The following ARHGAP20 variants were observed in gnomAD, a reference collection of about 807,000 sequenced individuals.
ARHGAP20 encodes the protein Rho GTPase activating protein 20.
A neutral mutation model predicts 73.7 loss-of-function variants in ARHGAP20; 34 were observed. The ratio of observed to expected loss-of-function variants is 0.46; its 90% CI spans 0.35 to 0.61. The LOEUF is 0.61. Among genes scored for constraint, ARHGAP20 ranks in the 20% least tolerant of loss-of-function variants. The pLI is 0.00. For missense variants in ARHGAP20, 1,314 were observed against 1,420.9 expected (o/e 0.92, Z 1.21); for synonymous variants, 523 against 518.2 (o/e 1.01, Z -0.13).
intron 12 of ARHGAP20, among the ~76,000 whole-genome samples, chr11:110,585,377 A>G (rs1947635073): frequency 6.6e-6 from 1 of 151,856 alleles, no homozygotes; most frequent in Non-Finnish European, 1.5e-5. Context: ...CCAAACTATA[A>G]TGGAAGTGGA....
intron 4 of ARHGAP20, among the ~76,000 whole-genome samples, chr11:110,623,508 T>C (rs1948672541): frequency 6.6e-6 from 1 of 152,234 alleles, no homozygotes; most frequent in Admixed American, 6.5e-5. Flanking sequence ...TCTGACTCCT[T>C]AAAATCATAC....
At chr11:110,661,998 C>T (rs1341715432) in intron 2 of ARHGAP20, among the ~76,000 whole-genome samples, 4 of 151,742 alleles carry the variant, frequency 2.6e-5, no homozygotes, top group African/African-American at 4.8e-5. Context: ...CCATGGCATA[C>T]GTAAGCAATG....
chr11:110,584,210 C>T (rs1947555202), intron 12 of ARHGAP20, among the ~76,000 whole-genome samples: 1 of 152,180 alleles, frequency 6.6e-6, no homozygotes, highest in Admixed American at 6.5e-5. Flanking sequence ...CGTCCAGGTC[C>T]ATTTTGAGAG....
At chr11:110,646,012 G>T (rs113157751) in intron 2 of ARHGAP20, among the ~76,000 whole-genome samples, 2 of 152,052 alleles carry the variant, frequency 1.3e-5, no homozygotes, top group African/African-American at 2.4e-5. Flanking sequence ...ACTACCTATT[G>T]GGTACTATGC....
Position 110,712,400 on chromosome 11 carries a change from T to A in ARHGAP20, c.-169A>T. 1 of 375,062 alleles carries A rather than the reference T, an allele frequency of 2.7e-6. No individual in the cohort carries two copies. Among genetic ancestry groups the A allele is most frequent in the Non-Finnish European group, 4.5e-6 (1 of 220,872 alleles). The allele number at this position is 375,062 out of a possible 1,614,324, so 23.2% of individuals were successfully genotyped here. The stretch of plus-strand genomic sequence containing the variant: ...GCGCCTCCCGTCGGGGCCATGTACC[T>A]CCGCCTGCGCTCGACACCGCGGGCT... On this transcript the variant is annotated 5_prime_UTR_variant, in exon 1 of 15. Transcript: ENST00000683387.
intron 2 of ARHGAP20, among the ~76,000 whole-genome samples, chr11:110,632,589 G>A (rs1948881721): frequency 2.0e-5 from 3 of 152,140 alleles, no homozygotes; most frequent in African/African-American, 7.2e-5. Context: ...ATTTTTAGTA[G>A]AGATGGGGTT....
At chr11:110,680,887 T>C (rs7937136) in intron 2 of ARHGAP20, among the ~76,000 whole-genome samples, 2,584 of 152,312 alleles carry the variant, frequency 0.017, 53 homozygotes, top group African/African-American at 0.046. Context: ...GTAATGAGTT[T>C]CATTTTGGTA....
chr11:110,581,570 T>C (rs376697877), intron 14 of ARHGAP20, among the ~76,000 whole-genome samples: 137 of 152,352 alleles, frequency 9.0e-4, no homozygotes, highest in African/African-American at 3.2e-3. Context: ...AACAGATTGC[T>C]AGTGGTTATA....
chr11:110,672,806 T>C (rs1194235135), intron 2 of ARHGAP20, among the ~76,000 whole-genome samples: 2 of 152,350 alleles, frequency 1.3e-5, no homozygotes, highest in Middle Eastern at 3.4e-3. Context: ...ACGACTACTT[T>C]AGAAAATAGT....
intron 2 of ARHGAP20, among the ~76,000 whole-genome samples, chr11:110,672,818 C>T (rs1949855776): frequency 6.6e-6 from 1 of 152,144 alleles, no homozygotes. Flanking sequence ...GAAAATAGTT[C>T]TGGTGATTTC....
Position 110,577,525 on chromosome 11 carries a change from C to G in ARHGAP20, c.*1845G>C. On this transcript the variant is annotated 3_prime_UTR_variant, in exon 15 of 15. Transcript: ENST00000683387. ...GAAAGACACTCCAAGCCGTTAAGAG[C>G]TTCATTCACATCTTGCAGTTCTGAC... 4 of 996,856 alleles carry G rather than the reference C, an allele frequency of 4.0e-6. No homozygotes were observed. Among genetic ancestry groups the G allele is most frequent in the Non-Finnish European group, 4.8e-6 (4 of 838,066 alleles). The allele number at this position is 996,856 out of a possible 1,614,324, so 61.8% of individuals were successfully genotyped here.
At chr11:110,691,972 A>G (rs904554385) in intron 1 of ARHGAP20, among the ~76,000 whole-genome samples, 2 of 152,150 alleles carry the variant, frequency 1.3e-5, no homozygotes, top group Admixed American at 6.6e-5. Context: ...TACTTATATA[A>G]AAATTTTTTG....
chr11:110,620,809 T>C (rs1007618820), intron 4 of ARHGAP20, among the ~76,000 whole-genome samples: 34 of 151,598 alleles, frequency 2.2e-4, no homozygotes, highest in Non-Finnish European at 7.4e-5. Flanking sequence ...CGGTGGCTCA[T>C]GTCCGTAATC....
chr11:110,634,274 C>A (rs1591331500), intron 2 of ARHGAP20, among the ~76,000 whole-genome samples: 1 of 151,988 alleles, frequency 6.6e-6, no homozygotes, highest in African/African-American at 2.4e-5. Context: ...AGGCAAAACT[C>A]TTGTTGTTTT....
intron 7 of ARHGAP20, among the ~76,000 whole-genome samples, 171 bp from the exon 8 acceptor site, chr11:110,609,221 A>G (rs1034922354): frequency 1.3e-5 from 2 of 152,104 alleles, no homozygotes; most frequent in Non-Finnish European, 2.9e-5. Context: ...GGTAGCCTAC[A>G]GAGTGTAAAA....
intron 2 of ARHGAP20, among the ~76,000 whole-genome samples, chr11:110,652,423 G>T (rs896388182): frequency 2.6e-5 from 4 of 152,034 alleles, no homozygotes; most frequent in African/African-American, 9.7e-5. Flanking sequence ...AGGGTATTCA[G>T]ATAGGAAGAA....
At chr11:110,660,577 C>T (rs1252006247) in intron 2 of ARHGAP20, among the ~76,000 whole-genome samples, 2 of 151,804 alleles carry the variant, frequency 1.3e-5, no homozygotes, top group African/African-American at 4.8e-5. Context: ...CCAAGCCCAT[C>T]GACAGATCTA....
At chr11:110,602,320 T>C (rs761141145) in intron 9 of ARHGAP20, among the ~76,000 whole-genome samples, 23 of 152,152 alleles carry the variant, frequency 1.5e-4, no homozygotes, top group Admixed American at 2.0e-4. Flanking sequence ...GATAACTTTG[T>C]TATGGAACTA....
At position 110,639,415 on chromosome 11, in the gene ARHGAP20, A is replaced by G. The variant is rs1949035872; in HGVS notation, c.189-8623T>C. 3.3e-5 allele frequency among the ~76,000 whole-genome samples: 5 copies of G among 151,840 alleles called. No homozygotes were observed. The South Asian group carries it at 1.0e-3, about 32-fold the overall frequency. On this transcript the variant is annotated intron_variant, in intron 2 of 14. Coordinates refer to ENST00000683387, the MANE Select transcript of ARHGAP20 (RefSeq NM_001384657.1). ...TTTTAAACAAAAACAAAGAACTAGT[A>G]TAAAAAACACATGTAAAATATCCCA...
Sources: gnomAD v4.1 joint callset for allele counts (sites outside exome capture counted in the v4.1 genomes callset) on GRCh38, gnomAD v4.1.1 for gene constraint, MANE v1.5 for transcripts, NCBI Gene and HGNC (gene_info 2026-07-23, HGNC 2026-07-21) for gene names.